Variants in TCTN2 observed in about 807,000 individuals in gnomAD.
The protein encoded by TCTN2 is tectonic-2.
Under a neutral mutation model 83.4 loss-of-function variants are expected in TCTN2, and 66 were observed. The ratio of observed to expected loss-of-function variants is 0.79; its 90% CI spans 0.65 to 0.97. The LOEUF is 0.97. Ranked by LOEUF, TCTN2 falls within the 50% of genes least tolerant of loss-of-function variation. TCTN2 has a pLI of 0.00. For synonymous variants in TCTN2, 301 were observed against 326.7 expected (o/e 0.92, Z 0.85); for missense variants, 794 against 858.1 (o/e 0.93, Z 0.93).
intron 6 of TCTN2, 63 bp downstream of exon 6, chr12:123,687,098 C>G (rs548490638): frequency 2.5e-6 from 4 of 1,568,670 alleles, no homozygotes; most frequent in African/African-American, 2.7e-5. Flanking sequence ...GGGCCATACT[C>G]TAGTAGGCCC....
At chr12:123,684,501 A>G (rs1015840707) in intron 5 of TCTN2, among the ~76,000 whole-genome samples, 2 of 151,288 alleles carry the variant, frequency 1.3e-5, no homozygotes, top group African/African-American at 4.9e-5. Context: ...CCCGGGTTCA[A>G]GCAATTCTTC....
chr12:123,673,053 A>T (rs1041122970), intron 3 of TCTN2, among the ~76,000 whole-genome samples: 1 of 152,232 alleles, frequency 6.6e-6, no homozygotes, highest in Admixed American at 6.5e-5. Flanking sequence ...CGTCTCAAAA[A>T]AAAAAGCTTC....
At chr12:123,707,145 A>G in intron 17 of TCTN2, 72 bp downstream of exon 17, 2 of 1,259,914 alleles carry the variant, frequency 1.6e-6, no homozygotes, top group Admixed American at 3.6e-5. Flanking sequence ...TGATGTCTAA[A>G]TGTTACAGAA....
At chr12:123,673,518 C>G (rs1269099131) in intron 3 of TCTN2, 97 bp from the exon 4 acceptor site, 3 of 1,198,060 alleles carry the variant, frequency 2.5e-6, no homozygotes, top group Admixed American at 3.5e-5. Context: ...ATAAAATGAA[C>G]GGAGGCTGAT....
At chr12:123,697,688 G>T (rs561076651) in intron 13 of TCTN2, among the ~76,000 whole-genome samples, 29 of 151,896 alleles carry the variant, frequency 1.9e-4, no homozygotes, top group African/African-American at 6.5e-4. Context: ...TTTTAGTAGA[G>T]ATGGGGTTTC....
Position 123,704,402 on chromosome 12 carries a change from G to A in TCTN2, c.1613-130G>A, listed in dbSNP as rs550564972. 202 of 904,198 alleles carry A rather than the reference G, an allele frequency of 2.2e-4. No homozygotes were observed. In the East Asian group the frequency reaches 2.8e-3, roughly 13 times the overall value. 56.0% of individuals were successfully genotyped at this position (904,198 alleles called of 1,614,324 possible). A position where few individuals can be genotyped will look rare whatever the true frequency, so the allele number is the denominator to read the frequency against. ...AGTTATGGAGTGACAAGTAACTAGAGCCTGTAAGAGACTAAAGCCTCATTA... is the reference window on the plus strand; with the variant it reads ...AGTTATGGAGTGACAAGTAACTAGAACCTGTAAGAGACTAAAGCCTCATTA... On this transcript the variant is annotated intron_variant, in intron 14 of 17. Transcript: ENST00000303372.
chr12:123,694,776 C>G, intron 9 of TCTN2, 66 bp from the exon 10 acceptor site: 2 of 1,577,302 alleles, frequency 1.3e-6, no homozygotes, highest in Non-Finnish European at 1.7e-6. Context: ...GCAGAGAGAA[C>G]CTCCCAGTAA....
In TCTN2 at chr12:123,679,253, A is replaced by T; in HGVS notation, c.528A>T (p.Thr176=). ...TTGGCCCTTGTCCTTGTAATTTAACAGCTGGAGCCTGTGATGTTCGCTGCT... is the reference window on the plus strand; with the variant it reads ...TTGGCCCTTGTCCTTGTAATTTAACTGCTGGAGCCTGTGATGTTCGCTGCT... The part of the protein sequence containing the change: ...QPLGPCPCNL[T]AGACDVRCCC... The change falls in exon 5 of 18, where the codon ACA becomes ACT. Residue 176 remains threonine, a synonymous_variant. Coordinates refer to ENST00000303372, the MANE Select transcript of TCTN2 (RefSeq NM_024809.5). The T allele has an allele frequency of 6.2e-7, 1 of 1,614,098 alleles. No homozygotes were observed. Among genetic ancestry groups the T allele is most frequent in the Non-Finnish European group, 8.5e-7 (1 of 1,179,970 alleles).
chr12:123,705,004 A>G (rs990648616), intron 15 of TCTN2, among the ~76,000 whole-genome samples: 1 of 151,996 alleles, frequency 6.6e-6, no homozygotes, highest in Non-Finnish European at 1.5e-5. Flanking sequence ...ATCAGAGAAT[A>G]TTGTCTGTGG....
intron 5 of TCTN2, among the ~76,000 whole-genome samples, chr12:123,684,478 G>C (rs2135830657): frequency 6.7e-6 from 1 of 150,042 alleles, no homozygotes; most frequent in African/African-American, 2.5e-5. Flanking sequence ...TCGGCCCGCT[G>C]CAACCTCCGC....
At chr12:123,682,961 C>T (rs946310953) in intron 5 of TCTN2, among the ~76,000 whole-genome samples, 5 of 151,906 alleles carry the variant, frequency 3.3e-5, no homozygotes, top group Admixed American at 2.0e-4. Flanking sequence ...CAGTAGCTCA[C>T]GCCTATAATC....
Position 123,686,968 on chromosome 12 carries a change from C to T in TCTN2, c.697C>T (p.Pro233Ser), listed in dbSNP as rs1156772105. ...TTTRGVPDWF[P>S]FLCVQSPLAN... is the part of the protein sequence containing the mutation. ...GACACGTGGTGTCCCCGATTGGTTT[C>T]CCTTTCTGTGTGTGCAGTCCCCCCT... The change falls in exon 6 of 18, where the codon CCC (proline) becomes TCC (serine). Residue 233 changes from proline to serine, a missense_variant. Coordinates refer to ENST00000303372, the MANE Select transcript of TCTN2 (RefSeq NM_024809.5). 2 of 1,614,160 alleles carry T rather than the reference C, an allele frequency of 1.2e-6. No homozygotes were observed. Among genetic ancestry groups the T allele is most frequent in the Non-Finnish European group, 1.7e-6 (2 of 1,180,040 alleles).
intron 15 of TCTN2, among the ~76,000 whole-genome samples, chr12:123,705,204 C>T (rs1373551635): frequency 7.0e-6 from 1 of 142,972 alleles, no homozygotes; most frequent in East Asian, 2.0e-4. Context: ...TGCTCCGTCT[C>T]CAGGCTGGAG....
At chr12:123,704,752 C>T (rs1304465516) in intron 15 of TCTN2, 64 bp downstream of exon 15, 2 of 1,548,862 alleles carry the variant, frequency 1.3e-6, no homozygotes, top group Non-Finnish European at 1.8e-6. Context: ...GCATCCCAAA[C>T]AATAGGGAAA....
At chr12:123,704,400 G>C (rs1439790183) in intron 14 of TCTN2, 132 bp from the exon 15 acceptor site, 2 of 884,432 alleles carry the variant, frequency 2.3e-6, no homozygotes, top group South Asian at 1.5e-5. Context: ...CAAGTAACTA[G>C]AGCCTGTAAG....
chr12:123,704,336 T>C (rs1044606898), intron 14 of TCTN2, among the ~76,000 whole-genome samples, 196 bp from the exon 15 acceptor site: 5 of 152,176 alleles, frequency 3.3e-5, no homozygotes, highest in Admixed American at 3.3e-4. Context: ...ACAATTTTTA[T>C]TAGTGCCATC....
rs544025450 is a variant in TCTN2, at chr12:123,687,910, A to T, written c.765-141A>T. 28 of 1,131,290 alleles carry T rather than the reference A, an allele frequency of 2.5e-5. No homozygotes were observed. In the East Asian group the frequency reaches 7.0e-4, roughly 28 times the overall value. The allele number at this position is 1,131,290 out of a possible 1,614,324, so 70.1% of individuals were successfully genotyped here. On this transcript the variant is annotated intron_variant, in intron 6 of 17. Coordinates refer to ENST00000303372, the MANE Select transcript of TCTN2 (RefSeq NM_024809.5). ...ACCTGGGAGGCGGAGGTAGCAGTGA[A>T]CAAAGATCACGCCACTGCACTCCAG...
At chr12:123,695,042 T>G in intron 10 of TCTN2, 66 bp downstream of exon 10, 1 of 1,596,238 alleles carries the variant, frequency 6.3e-7, no homozygotes, top group South Asian at 1.1e-5. Flanking sequence ...CTTTTCAAGA[T>G]TCTCATAATT....
chr12:123,680,143 C>T (rs1250949028), intron 5 of TCTN2, among the ~76,000 whole-genome samples: 6 of 151,648 alleles, frequency 4.0e-5, no homozygotes, highest in East Asian at 2.0e-4. Flanking sequence ...ACCTGAGGTC[C>T]GGAGTTTGAG....
Sources: allele counts gnomAD v4.1 joint callset (sites outside exome capture counted in the v4.1 genomes callset), GRCh38; gene constraint gnomAD v4.1.1; transcripts MANE v1.5; gene names NCBI Gene and HGNC (gene_info 2026-07-23, HGNC 2026-07-21).